MED26: variants seen among roughly 807,000 people sequenced by gnomAD.
The protein encoded by MED26 is mediator complex subunit 26.
A neutral mutation model predicts 43.7 loss-of-function variants in MED26; 7 were observed. The ratio of observed to expected loss-of-function variants is 0.16; its 90% CI spans 0.09 to 0.30. The LOEUF is 0.30. MED26 is among the 10% of genes least tolerant of loss of function. The probability of loss-of-function intolerance (pLI) is 1.00; values close to 1 mark genes in which losing one functional copy is unlikely to be tolerated. For missense variants in MED26, 784 were observed against 840.6 expected, an observed-to-expected ratio of 0.93 and a Z score of 0.83; for synonymous variants, 375 against 371.1, an observed-to-expected ratio of 1.01 and a Z score of -0.12.
intron 1 of MED26, among the ~76,000 whole-genome samples, chr19:16,609,311 CAAAAAAAAAAAAAA>C (rs777358965): frequency 2.0e-4 from 5 of 25,070 alleles, no homozygotes; most frequent in South Asian, 2.2e-3. Flanking sequence ...GACTCCGTCT[CAAAAAAAAAAAAAA>C]AAAAAAAAAA....
intron 1 of MED26, among the ~76,000 whole-genome samples, chr19:16,616,194 C>G (rs572832279): frequency 6.6e-6 from 1 of 152,330 alleles, no homozygotes; most frequent in East Asian, 1.9e-4. Flanking sequence ...ACCCAGGATG[C>G]TTCAGGCACA....
At chr19:16,626,724 G>A (rs528444834) in intron 1 of MED26, among the ~76,000 whole-genome samples, 5 of 152,270 alleles carry the variant, frequency 3.3e-5, no homozygotes, top group Non-Finnish European at 5.9e-5. Flanking sequence ...ACCTGGCCAA[G>A]CCAAAGATGA....
chr19:16,593,585 T>C (rs1016968368), intron 1 of MED26, among the ~76,000 whole-genome samples: 6 of 152,214 alleles, frequency 3.9e-5, no homozygotes, highest in Non-Finnish European at 8.8e-5. Context: ...CCACGGTTGC[T>C]GGCCACCATG....
At position 16,601,464 on chromosome 19, in the gene MED26, G is replaced by A. The variant is rs376783139; in HGVS notation, c.73-23055C>T. On this transcript the variant is annotated intron_variant, in intron 1 of 2. Coordinates refer to ENST00000263390, the MANE Select transcript of MED26 (RefSeq NM_004831.5). ...GCCACCGCGCCCGGCCTAAGTACTGGCTCTTTTACCACACTCTCAGCTGCC... is the reference window on the plus strand; with the variant it reads ...GCCACCGCGCCCGGCCTAAGTACTGACTCTTTTACCACACTCTCAGCTGCC... 5.2e-4 allele frequency among the ~76,000 whole-genome samples: 79 copies of A among 152,244 alleles called. 1 individual carries two copies. Among genetic ancestry groups the A allele is most frequent in the African/African-American group, 1.8e-3 (76 of 41,556 alleles).
chr19:16,579,848 T>C (rs976539739), intron 1 of MED26, among the ~76,000 whole-genome samples: 1 of 152,214 alleles, frequency 6.6e-6, no homozygotes, highest in Non-Finnish European at 1.5e-5. Flanking sequence ...CTTGTGTATA[T>C]AGGCGTATAC....
intron 1 of MED26, among the ~76,000 whole-genome samples, chr19:16,584,893 TAGA>T (rs2086063666): frequency 6.6e-6 from 1 of 152,190 alleles, no homozygotes; most frequent in African/African-American, 2.4e-5. Flanking sequence ...TTCACTGATC[TAGA>T]AGGACTGGCA....
intron 1 of MED26, among the ~76,000 whole-genome samples, chr19:16,596,482 G>A (rs530751947): frequency 6.6e-6 from 1 of 152,316 alleles, no homozygotes; most frequent in African/African-American, 2.4e-5. Context: ...CTCAGCCATC[G>A]AGTGCATACG....
At chr19:16,606,764 G>C (rs2086175363) in intron 1 of MED26, among the ~76,000 whole-genome samples, 1 of 152,184 alleles carries the variant, frequency 6.6e-6, no homozygotes, top group South Asian at 2.1e-4. Flanking sequence ...CGTTTCCCAG[G>C]GGAGGGGTGC....
At chr19:16,601,560 C>T (rs1409336522) in intron 1 of MED26, among the ~76,000 whole-genome samples, 1 of 152,218 alleles carries the variant, frequency 6.6e-6, no homozygotes, top group African/African-American at 2.4e-5. Context: ...GGCGAGCAGA[C>T]ATGTGATGAG....
chr19:16,594,506 G>A (rs1021058864), intron 1 of MED26, among the ~76,000 whole-genome samples: 10 of 152,186 alleles, frequency 6.6e-5, no homozygotes, highest in Non-Finnish European at 5.9e-5. Flanking sequence ...ACCCTGCAGC[G>A]AGACTCGTGC....
At chr19:16,584,650 C>T (rs1017520104) in intron 1 of MED26, among the ~76,000 whole-genome samples, 1 of 152,220 alleles carries the variant, frequency 6.6e-6, no homozygotes, top group East Asian at 1.9e-4. Flanking sequence ...AGACCCACCA[C>T]GCATCCTCGT....
At chr19:16,579,776 G>A (rs2086035302) in intron 1 of MED26, among the ~76,000 whole-genome samples, 1 of 152,186 alleles carries the variant, frequency 6.6e-6, no homozygotes, top group Non-Finnish European at 1.5e-5. Context: ...GGCACACAAG[G>A]AAATGGGCAT....
In MED26 at chr19:16,577,764, C is replaced by T; in HGVS notation, c.148-82G>A. The stretch of plus-strand genomic sequence containing the variant: ...GAGCCAGAAATGGTGGGAAGTGGCC[C>T]TGACAGTGAAATGACCCGGTTCCCA... On this transcript the variant is annotated intron_variant, in intron 2 of 2. Transcript: ENST00000263390. This position sits in a 1 kb window ranked among gnomAD's most constrained non-coding sequence, Gnocchi z 8.1. 3.4e-6 allele frequency: 4 copies of T among 1,187,794 alleles called. No homozygotes were observed. Among genetic ancestry groups the T allele is most frequent in the Non-Finnish European group, 3.5e-6 (3 of 851,846 alleles). 73.6% of individuals were successfully genotyped at this position (1,187,794 alleles called of 1,614,324 possible).
In MED26 at chr19:16,576,287, G is replaced by A. The variant is rs771751712; in HGVS notation, c.1543C>T (p.Leu515=). The change falls in exon 3 of 3, where the codon CTG becomes TTG. Residue 515 remains leucine (L), a synonymous_variant. Coordinates refer to ENST00000263390, the MANE Select transcript of MED26 (RefSeq NM_004831.5). This position sits in a 1 kb window ranked among gnomAD's most constrained non-coding sequence, Gnocchi z 6.8. The part of the protein sequence containing the change: ...PGAHHFMSEY[L]KQEESTRQGA... ...TGCCGGGTGCTCTCCTCCTGCTTCA[G>A]GTACTCAGACATGAAGTGGTGAGCC... 8.1e-6 allele frequency: 13 copies of A among 1,612,074 alleles called. No individual in the cohort carries two copies. Among genetic ancestry groups the A allele is most frequent in the South Asian group, 1.1e-5 (1 of 91,086 alleles).
At chr19:16,621,302 A>C (rs2086250521) in intron 1 of MED26, among the ~76,000 whole-genome samples, 2 of 152,230 alleles carry the variant, frequency 1.3e-5, no homozygotes, top group African/African-American at 2.4e-5. Context: ...TAATTCAAAG[A>C]AGCAATGAGA....
intron 1 of MED26, among the ~76,000 whole-genome samples, chr19:16,580,769 A>ACAC (rs2122383446): frequency 6.6e-6 from 1 of 152,042 alleles, no homozygotes; most frequent in African/African-American, 2.4e-5. Context: ...CATCCAGCTC[A>ACAC]CACCCCCTCC....
intron 1 of MED26, among the ~76,000 whole-genome samples, chr19:16,590,115 G>A (rs967433469): frequency 2.0e-5 from 3 of 152,238 alleles, no homozygotes; most frequent in African/African-American, 7.2e-5. Flanking sequence ...CAACAGATGA[G>A]TGTCCCCAGG....
chr19:16,613,006 C>T (rs563522275), intron 1 of MED26, among the ~76,000 whole-genome samples: 19 of 152,186 alleles, frequency 1.2e-4, no homozygotes, highest in Non-Finnish European at 2.2e-4. Context: ...CCTGAAAAGT[C>T]GAGAAGGGGC....
At chr19:16,607,863 C>G (rs1005272341) in intron 1 of MED26, among the ~76,000 whole-genome samples, 2 of 152,208 alleles carry the variant, frequency 1.3e-5, no homozygotes, top group African/African-American at 4.8e-5. Flanking sequence ...TGCATGATAC[C>G]CTGCCTCCCC....
Sources: allele counts gnomAD v4.1 joint callset (sites outside exome capture counted in the v4.1 genomes callset), GRCh38; gene constraint gnomAD v4.1.1; non-coding constraint Gnocchi (gnomAD v3.1); transcripts MANE v1.5; gene names NCBI Gene and HGNC (gene_info 2026-07-23, HGNC 2026-07-21).